Variants in CDC42BPA observed in about 807,000 individuals in gnomAD.
The protein encoded by CDC42BPA is serine/threonine-protein kinase MRCK alpha.
A neutral mutation model predicts 223.5 loss-of-function variants in CDC42BPA; 80 were observed. That is an observed-to-expected ratio of 0.36 (90% CI 0.30 to 0.43). CDC42BPA has a LOEUF of 0.43. Ranked by LOEUF, CDC42BPA falls within the 20% of genes least tolerant of loss-of-function variation. The pLI, the probability that CDC42BPA is intolerant of heterozygous loss-of-function variation, is 1.00. For missense variants in CDC42BPA, 1,743 were observed against 2,099.9 expected (o/e 0.83, Z 3.32); for synonymous variants, 694 against 718.6 (o/e 0.97, Z 0.55).
At chr1:227,005,305 C>A (rs1043482543) in intron 34 of CDC42BPA, among the ~76,000 whole-genome samples, 194 bp from the exon 35 acceptor site, 1 of 152,102 alleles carries the variant, frequency 6.6e-6, no homozygotes, top group Admixed American at 6.5e-5. Context: ...TAAATCTCAT[C>A]CTAATCAGGA....
intron 5 of CDC42BPA, among the ~76,000 whole-genome samples, chr1:227,177,128 A>AG (rs1667095935): frequency 2.4e-5 from 1 of 41,582 alleles, no homozygotes; most frequent in African/African-American, 1.6e-4. Context: ...AAGATGTAAG[A>AG]AAAAAAAAAT....
At chr1:227,170,299 C>T (rs573781060) in intron 5 of CDC42BPA, among the ~76,000 whole-genome samples, 41 of 152,220 alleles carry the variant, frequency 2.7e-4, no homozygotes, top group African/African-American at 9.6e-4. Context: ...TCTGGCTGAA[C>T]TCCCAACTGA....
intron 14 of CDC42BPA, among the ~76,000 whole-genome samples, chr1:227,110,471 TAAA>T (rs1302312385): frequency 1.3e-5 from 2 of 152,186 alleles, no homozygotes; most frequent in East Asian, 1.9e-4. Flanking sequence ...TAGAAAAAAA[TAAA>T]AAGCAAACCA....
At chr1:227,238,119 T>C (rs1031009642) in intron 2 of CDC42BPA, among the ~76,000 whole-genome samples, 8 of 148,832 alleles carry the variant, frequency 5.4e-5, no homozygotes, top group Admixed American at 1.3e-4. Flanking sequence ...TTGGGAGGCA[T>C]AGGCAGGAGG....
At chr1:227,185,431 A>G (rs1012824886) in intron 5 of CDC42BPA, among the ~76,000 whole-genome samples, 1 of 152,128 alleles carries the variant, frequency 6.6e-6, no homozygotes, top group Non-Finnish European at 1.5e-5. Context: ...CTGCCCCTAC[A>G]TATCCCCACG....
chr1:227,243,386 T>C (rs1244736593), intron 2 of CDC42BPA, among the ~76,000 whole-genome samples: 1 of 139,680 alleles, frequency 7.2e-6, no homozygotes, highest in Admixed American at 7.3e-5. Flanking sequence ...GTGGCACACA[T>C]AGGGGCCCAA....
intron 17 of CDC42BPA, among the ~76,000 whole-genome samples, chr1:227,076,150 T>TA: frequency 6.6e-6 from 1 of 152,326 alleles, no homozygotes; most frequent in Non-Finnish European, 1.5e-5. Flanking sequence ...AGTTCCACTG[T>TA]ACTCTAAGTC....
At chr1:227,181,564 G>A (rs1179315962) in intron 5 of CDC42BPA, among the ~76,000 whole-genome samples, 3 of 152,014 alleles carry the variant, frequency 2.0e-5, no homozygotes, top group African/African-American at 7.2e-5. Flanking sequence ...ATATGGAGAC[G>A]TAAAAATAGT....
chr1:227,055,864 T>C (rs1479273048), intron 21 of CDC42BPA, among the ~76,000 whole-genome samples: 1 of 151,878 alleles, frequency 6.6e-6, no homozygotes, highest in African/African-American at 2.4e-5. Context: ...ACATCTACTA[T>C]ATTTCAGTAT....
At chr1:227,039,222 C>T (rs976048442) in intron 24 of CDC42BPA, among the ~76,000 whole-genome samples, 1 of 152,132 alleles carries the variant, frequency 6.6e-6, no homozygotes, top group Non-Finnish European at 1.5e-5. Flanking sequence ...ACTAGACTGA[C>T]ATGGTTACAT....
chr1:227,042,416 A>G (rs1671562626), intron 23 of CDC42BPA, among the ~76,000 whole-genome samples: 1 of 152,002 alleles, frequency 6.6e-6, no homozygotes, highest in Admixed American at 6.6e-5. Context: ...CTGAGCATTA[A>G]TTTTAGGTAA....
chr1:227,169,656 A>G (rs763166342), intron 5 of CDC42BPA, among the ~76,000 whole-genome samples: 1 of 152,148 alleles, frequency 6.6e-6, no homozygotes, highest in Non-Finnish European at 1.5e-5. Context: ...CCATGCCACA[A>G]TGTACACCAT....
chr1:227,004,115 C>T (rs1271018283), intron 35 of CDC42BPA: 2 of 151,384 alleles, frequency 1.3e-5, no homozygotes, highest in East Asian at 3.9e-4. Context: ...CCTGCCTCAG[C>T]CCCTTCTTAA....
At chr1:227,139,882 A>T (rs1659370377) in intron 9 of CDC42BPA, 140 bp from the exon 10 acceptor site, 1 of 423,232 alleles carries the variant, frequency 2.4e-6, no homozygotes, top group Non-Finnish European at 4.0e-6. Flanking sequence ...TAAAACACAG[A>T]TCTGAATATC....
chr1:227,142,203 A>T (rs1659803091), intron 9 of CDC42BPA, among the ~76,000 whole-genome samples: 1 of 152,232 alleles, frequency 6.6e-6, no homozygotes, highest in Non-Finnish European at 1.5e-5. Flanking sequence ...ACAGAATGAG[A>T]GACAGTCAAA....
At chr1:227,170,615 C>CA (rs1212390457) in intron 5 of CDC42BPA, among the ~76,000 whole-genome samples, 1 of 152,176 alleles carries the variant, frequency 6.6e-6, no homozygotes, top group East Asian at 1.9e-4. Flanking sequence ...TTCAAAGTTA[C>CA]AGAGAGCCTC....
chr1:227,033,852 G>A (rs1669766434), intron 26 of CDC42BPA, among the ~76,000 whole-genome samples: 1 of 152,014 alleles, frequency 6.6e-6, no homozygotes, highest in Non-Finnish European at 1.5e-5. Flanking sequence ...TTTTGTTGTT[G>A]GTACCATGAC....
At chr1:227,152,962 G>A (rs10799394) in intron 6 of CDC42BPA, among the ~76,000 whole-genome samples, 108,201 of 151,248 alleles carry the variant, frequency 0.72, 38,881 homozygotes, top group South Asian at 0.86. Context: ...AAATCATTGT[G>A]AGATTTTTTA....
chr1:227,066,349 C>T (rs1677059880), intron 21 of CDC42BPA, among the ~76,000 whole-genome samples: 1 of 151,430 alleles, frequency 6.6e-6, no homozygotes, highest in Non-Finnish European at 1.5e-5. Context: ...GAGATCGTGT[C>T]ACCGCACTCC....
Sources: gnomAD v4.1 joint callset for allele counts (sites outside exome capture counted in the v4.1 genomes callset) on GRCh38, gnomAD v4.1.1 for gene constraint, MANE v1.5 for transcripts, NCBI Gene and HGNC (gene_info 2026-07-23, HGNC 2026-07-21) for gene names.